The following WNT2B variants were observed in gnomAD, a reference collection of about 807,000 sequenced individuals.
The protein encoded by WNT2B is Wnt family member 2B.
WNT2B carries 19 observed loss-of-function variants against 40.5 expected under a neutral mutation model. The ratio of observed to expected loss-of-function variants is 0.47; its 90% confidence interval spans 0.33 to 0.69. WNT2B has a LOEUF of 0.69. WNT2B is among the 30% of genes least tolerant of loss of function. WNT2B has a pLI of 0.02. For synonymous variants in WNT2B, 220 were observed against 211.9 expected (o/e 1.04, Z -0.33); for missense variants, 467 against 556.4 (o/e 0.84, Z 1.62).
intron 1 of WNT2B, among the ~76,000 whole-genome samples, chr1:112,487,670 C>A (rs951276758): frequency 1.3e-5 from 2 of 152,076 alleles, no homozygotes; most frequent in African/African-American, 2.4e-5. Context: ...TGGTAGCTCA[C>A]GCCTGTAATC....
At chr1:112,508,764 G>T, upstream of WNT2B, 1 of 986,796 alleles carries the variant, frequency 1.0e-6, no homozygotes, top group Non-Finnish European at 1.2e-6. This position sits in a 1 kb window ranked among gnomAD's most constrained non-coding sequence, Gnocchi z 4.2. Context: ...GCGGCGTCCC[G>T]TCGCAGCGTG....
intron 2 of WNT2B, 21 bp from the exon 3 acceptor site, chr1:112,516,119 C>G: frequency 6.3e-7 from 1 of 1,598,078 alleles, no homozygotes; most frequent in Non-Finnish European, 8.6e-7. Context: ...CTGAAGCACA[C>G]CTCTACAATT....
rs1334462645 is a variant in WNT2B at position 112,525,290 on chromosome 1, C to G, written c.*4781C>G. ...ATAAGAGAGAAGCACTGGAAAAGAC[C>G]AAGTGGTGGCTTTATTAGGGTAAAT... On this transcript the variant is annotated 3_prime_UTR_variant, in exon 5 of 5. Transcript: ENST00000369684. The G allele has an allele frequency of 1.3e-5, 2 of 152,134 alleles. No homozygotes were observed. Among genetic ancestry groups the G allele is most frequent in the Non-Finnish European group, 2.9e-5 (2 of 68,028 alleles). 9.4% of individuals were successfully genotyped at this position (152,134 alleles called of 1,614,324 possible).
intron 3 of WNT2B, among the ~76,000 whole-genome samples, chr1:112,516,799 GTACC>G (rs1363856874): frequency 6.6e-6 from 1 of 152,224 alleles, no homozygotes; most frequent in African/African-American, 2.4e-5. Flanking sequence ...AGAAGGCATG[GTACC>G]TGGCACTCTA....
chr1:112,466,753 A>G (rs1366185886), exon 1 of WNT2B: 1 of 152,228 alleles, frequency 6.6e-6, no homozygotes, highest in Non-Finnish European at 1.5e-5. Flanking sequence ...CCATTTAATT[A>G]TGCTTCAGAA....
chr1:112,506,479 G>A (rs1281837964), upstream of WNT2B, among the ~76,000 whole-genome samples: 2 of 152,124 alleles, frequency 1.3e-5, no homozygotes, highest in East Asian at 1.9e-4. Context: ...CCCTCCCTGC[G>A]CTTTCCACCA....
chr1:112,488,553 G>GTT (rs561016335), intron 1 of WNT2B, among the ~76,000 whole-genome samples: 31 of 133,878 alleles, frequency 2.3e-4, no homozygotes, highest in Non-Finnish European at 3.4e-4. Flanking sequence ...TTTACTTACT[G>GTT]TTTTTTTTTT....
upstream of WNT2B, among the ~76,000 whole-genome samples, chr1:112,504,279 C>T (rs528435243): frequency 3.3e-5 from 5 of 152,150 alleles, no homozygotes; most frequent in East Asian, 1.9e-4. Context: ...CACCTCCCCA[C>T]GCCTCCTCTC....
At chr1:112,484,086 C>A (rs77619873) in intron 1 of WNT2B, among the ~76,000 whole-genome samples, 11,884 of 147,274 alleles carry the variant, frequency 0.081, 659 homozygotes, top group African/African-American at 0.16. Flanking sequence ...CATAGTGAGA[C>A]TTTGTCTCCA....
At chr1:112,486,793 C>T (rs1651431675) in intron 1 of WNT2B, among the ~76,000 whole-genome samples, 1 of 152,062 alleles carries the variant, frequency 6.6e-6, no homozygotes, top group African/African-American at 2.4e-5. Context: ...GCAATACATA[C>T]CTACTAGAAA....
chr1:112,488,771 G>C (rs1278277918), intron 1 of WNT2B, among the ~76,000 whole-genome samples: 1 of 151,922 alleles, frequency 6.6e-6, no homozygotes. Flanking sequence ...AACCAGGATG[G>C]TCTCGATCTC....
At chr1:112,486,130 T>A (rs890438058) in intron 1 of WNT2B, among the ~76,000 whole-genome samples, 1 of 43,828 alleles carries the variant, frequency 2.3e-5, no homozygotes, top group Admixed American at 2.8e-4. Flanking sequence ...TAATGAGTTT[T>A]TAACACACAC....
chr1:112,512,374 A>G (rs936646670), intron 1 of WNT2B, among the ~76,000 whole-genome samples: 2 of 152,244 alleles, frequency 1.3e-5, no homozygotes, highest in African/African-American at 4.8e-5. Flanking sequence ...CCATGTGAGG[A>G]TCATGGTGAA....
intron 1 of WNT2B, among the ~76,000 whole-genome samples, chr1:112,483,699 T>C (rs922426201): frequency 6.8e-6 from 1 of 147,972 alleles, no homozygotes; most frequent in Non-Finnish European, 1.5e-5. Context: ...GTCTAAGGAA[T>C]GGGAGAAAAT....
intron 1 of WNT2B, among the ~76,000 whole-genome samples, chr1:112,476,262 C>T (rs1283558949): frequency 6.6e-6 from 1 of 151,950 alleles, no homozygotes; most frequent in Admixed American, 6.6e-5. Flanking sequence ...GAAGATGTAA[C>T]ATATCAATAT....
chr1:112,526,243 T>C lies in WNT2B; in HGVS notation c.*5734T>C, dbSNP rs1653360640. 2.4e-6 allele frequency: 3 copies of C among 1,250,566 alleles called. No individual in the cohort carries two copies. Among genetic ancestry groups the C allele is most frequent in the Admixed American group, 2.2e-5 (1 of 45,902 alleles). The allele number at this position is 1,250,566 out of a possible 1,614,324, so 77.5% of individuals were successfully genotyped here. ...TGAACCTTATCAACCAATGGCTCTT[T>C]TGCCATTTCTGCCACTATTACCACC... On this transcript the variant is annotated 3_prime_UTR_variant, in exon 5 of 5. Coordinates refer to ENST00000369684, the MANE Select transcript of WNT2B (RefSeq NM_024494.3).
In WNT2B at chr1:112,484,208, T is replaced by TATATATATATACAC. The variant is rs1553230248; in HGVS notation, c.-95+16626_-95+16627insTACACATATATATA. 4.9e-3 allele frequency among the ~76,000 whole-genome samples: 672 copies of TATATATATATACAC among 136,614 alleles called. 7 individuals are homozygous for TATATATATATACAC. Among genetic ancestry groups the TATATATATATACAC allele is most frequent in the African/African-American group, 0.019 (629 of 33,400 alleles). 89.6% of individuals were successfully genotyped at this position (136,614 alleles called of 152,430 possible). On this transcript the variant is annotated intron_variant, in intron 1 of 4. Coordinates refer to the WNT2B transcript ENST00000256640. ...TATAATTTTGTCTCCAAAAATTTTA[T>TATATATATATACAC]ATATATATACACATATATATATACA...
intron 1 of WNT2B, among the ~76,000 whole-genome samples, chr1:112,493,530 G>C (rs983563916): frequency 3.3e-5 from 5 of 152,106 alleles, no homozygotes; most frequent in African/African-American, 1.2e-4. Context: ...GCTGAGATGA[G>C]AGGATCACTT....
chr1:112,483,076 G>A (rs1468100935), intron 1 of WNT2B, among the ~76,000 whole-genome samples: 1 of 152,076 alleles, frequency 6.6e-6, no homozygotes, highest in Non-Finnish European at 1.5e-5. Flanking sequence ...CTACCTGGGA[G>A]TGGAGTCTGA....
Sources: allele counts gnomAD v4.1 joint callset (sites outside exome capture counted in the v4.1 genomes callset), GRCh38; gene constraint gnomAD v4.1.1; non-coding constraint Gnocchi (gnomAD v3.1); transcripts MANE v1.5; gene names NCBI Gene and HGNC (gene_info 2026-07-23, HGNC 2026-07-21).